DISP1: variants seen among roughly 807,000 people sequenced by gnomAD.
DISP1 encodes protein dispatched homolog 1.
In DISP1, 30 loss-of-function variants were observed where a neutral mutation model predicts 37.3. The observed-to-expected ratio is 0.80, with a 90% CI of 0.60 to 1.09. DISP1 has a LOEUF of 1.09. DISP1 is among the 50% of genes least tolerant of loss of function. The pLI is 0.00. For synonymous variants in DISP1, 634 were observed against 690.2 expected, an observed-to-expected ratio of 0.92 and a Z score of 1.28; for missense variants, 1,598 against 1,879.5, an observed-to-expected ratio of 0.85 and a Z score of 2.77.
At chr1:222,884,482 C>A (rs1277294570) in intron 1 of DISP1, among the ~76,000 whole-genome samples, 5 of 152,104 alleles carry the variant, frequency 3.3e-5, no homozygotes, top group Non-Finnish European at 7.3e-5. Context: ...TCTTTCATGA[C>A]CCTGGCAATT....
At chr1:222,914,829 C>T (rs556205935) in intron 1 of DISP1, among the ~76,000 whole-genome samples, 11 of 152,012 alleles carry the variant, frequency 7.2e-5, no homozygotes, top group Admixed American at 1.3e-4. Flanking sequence ...TAGCCGGGGA[C>T]GGTAGCCTGC....
chr1:222,823,974 C>T (rs1032219516), intron 1 of DISP1: 1 of 151,626 alleles, frequency 6.6e-6, no homozygotes, highest in Non-Finnish European at 1.5e-5. Flanking sequence ...CGTTTTTTCT[C>T]CCTCCAGGTC....
intron 3 of DISP1, among the ~76,000 whole-genome samples, chr1:222,977,534 C>CT (rs35860006): frequency 0.11 from 14,833 of 132,154 alleles, 812 homozygotes; most frequent in East Asian, 0.27. Flanking sequence ...TTTTTAAATT[C>CT]TTTTTTTTTT....
At chr1:222,911,438 G>A (rs756277593) in intron 1 of DISP1, among the ~76,000 whole-genome samples, 8 of 152,108 alleles carry the variant, frequency 5.3e-5, no homozygotes, top group Non-Finnish European at 7.3e-5. Context: ...AACTCTTAAA[G>A]GAAGGGCACC....
At chr1:222,992,794 GA>G (rs1678791276) in intron 7 of DISP1, among the ~76,000 whole-genome samples, 1 of 151,766 alleles carries the variant, frequency 6.6e-6, no homozygotes, top group African/African-American at 2.4e-5. Flanking sequence ...ACTTAGCCGC[GA>G]CAAAAGATGG....
chr1:222,841,522 C>T (rs1214528364), intron 1 of DISP1, among the ~76,000 whole-genome samples: 2 of 152,150 alleles, frequency 1.3e-5, no homozygotes, highest in Non-Finnish European at 2.9e-5. Flanking sequence ...TGTGTTTAAC[C>T]ACTACGCTAG....
At chr1:222,979,087 A>G (rs113270759) in intron 3 of DISP1, among the ~76,000 whole-genome samples, 7,089 of 152,222 alleles carry the variant, frequency 0.047, 567 homozygotes, top group African/African-American at 0.16. Context: ...TGGGGATGGC[A>G]TTGAATCTAT....
intron 1 of DISP1, among the ~76,000 whole-genome samples, chr1:222,895,987 G>T (rs1000697773): frequency 9.9e-5 from 15 of 152,038 alleles, no homozygotes; most frequent in Non-Finnish European, 1.8e-4. Flanking sequence ...ACAAATTTCT[G>T]CTCTTCAAAA....
chr1:222,876,233 T>A (rs1453680534), intron 1 of DISP1, among the ~76,000 whole-genome samples: 1 of 152,168 alleles, frequency 6.6e-6, no homozygotes, highest in Non-Finnish European at 1.5e-5. Flanking sequence ...TAATTGTGTG[T>A]GGTGAGGTAT....
At chr1:222,860,067 T>TTTGTTGTTTG (rs1175184766) in intron 1 of DISP1, among the ~76,000 whole-genome samples, 2 of 152,242 alleles carry the variant, frequency 1.3e-5, no homozygotes, top group African/African-American at 4.8e-5. Flanking sequence ...TTTTGTTTTG[T>TTTGTTGTTTG]TTTGTTGAGA....
At chr1:222,958,307 T>C (rs889704562) in intron 3 of DISP1, among the ~76,000 whole-genome samples, 2 of 152,230 alleles carry the variant, frequency 1.3e-5, no homozygotes, top group Admixed American at 6.5e-5. Context: ...TGTGTTGTTT[T>C]TTAGCTAATC....
intron 3 of DISP1, among the ~76,000 whole-genome samples, chr1:222,945,187 G>T (rs879067505): frequency 3.3e-5 from 5 of 152,120 alleles, no homozygotes; most frequent in Admixed American, 3.3e-4. Flanking sequence ...AAAGAGGAGA[G>T]TCCTTCACAG....
intron 1 of DISP1, among the ~76,000 whole-genome samples, chr1:222,892,837 T>C (rs937480363): frequency 6.6e-6 from 1 of 152,220 alleles, no homozygotes; most frequent in African/African-American, 2.4e-5. Context: ...GCAAAATGTG[T>C]TTGAATGTCC....
At chr1:222,944,200 CG>C (rs1401879359) in intron 3 of DISP1, among the ~76,000 whole-genome samples, 4 of 152,238 alleles carry the variant, frequency 2.6e-5, no homozygotes, top group African/African-American at 4.8e-5. Context: ...AATTGTAGCA[CG>C]GGACTTTTAA....
At chr1:222,955,761 A>T (rs1675548811) in intron 3 of DISP1, among the ~76,000 whole-genome samples, 1 of 152,198 alleles carries the variant, frequency 6.6e-6, no homozygotes, top group African/African-American at 2.4e-5. Flanking sequence ...ACTGTAAAGG[A>T]GTCAGTAGCT....
chr1:222,936,877 A>ATATAAATTATATATCATATATG (rs1558340318), intron 2 of DISP1, among the ~76,000 whole-genome samples: 1 of 60,294 alleles, frequency 1.7e-5, no homozygotes, highest in African/African-American at 6.2e-5. Context: ...TATCATATAT[A>ATATAAATTATATATCATATATG]TGATATATAT....
chr1:222,829,878 T>C (rs1277928593), intron 1 of DISP1, among the ~76,000 whole-genome samples: 2 of 152,212 alleles, frequency 1.3e-5, no homozygotes, highest in Non-Finnish European at 2.9e-5. Context: ...AAAAATAATA[T>C]TTTAATTGAA....
intron 1 of DISP1, among the ~76,000 whole-genome samples, chr1:222,897,500 A>C (rs1671332747): frequency 6.6e-6 from 1 of 152,202 alleles, no homozygotes; most frequent in Admixed American, 6.5e-5. Context: ...TTTAAAAATA[A>C]AAACATGAAA....
intron 1 of DISP1, among the ~76,000 whole-genome samples, chr1:222,903,692 G>T (rs1395354093): frequency 6.7e-6 from 1 of 148,648 alleles, no homozygotes; most frequent in East Asian, 2.0e-4. Flanking sequence ...AAGAACTTTA[G>T]ATGTAGTGTG....
Sources: allele counts gnomAD v4.1 joint callset (sites outside exome capture counted in the v4.1 genomes callset), GRCh38; gene constraint gnomAD v4.1.1; transcripts MANE v1.5; gene names NCBI Gene and HGNC (gene_info 2026-07-23, HGNC 2026-07-21).